Variants in MYO5B observed in about 807,000 individuals in gnomAD.
The protein encoded by MYO5B is myosin VB, also known as unconventional myosin-Vb.
In MYO5B, 143 loss-of-function variants were observed where a neutral mutation model predicts 229.3. The ratio of observed to expected loss-of-function variants is 0.62; its 90% CI spans 0.54 to 0.72. The LOEUF is 0.72. Ranked by LOEUF, MYO5B falls within the 30% of genes least tolerant of loss-of-function variation. The pLI is 0.00. For missense variants in MYO5B, 2,321 were observed against 2,331.0 expected (o/e 1.00, Z 0.09); for synonymous variants, 918 against 885.2 (o/e 1.04, Z -0.66).
At chr18:50,022,844 C>T (rs1164307957) in intron 4 of MYO5B, among the ~76,000 whole-genome samples, 1 of 152,112 alleles carries the variant, frequency 6.6e-6, no homozygotes, top group Non-Finnish European at 1.5e-5. Context: ...TTTACCCCCA[C>T]CTCCTAGGTT....
Position 50,016,251 on chromosome 18 carries a change from C to T in MYO5B, c.456-14840G>A, listed in dbSNP as rs541653933. On this transcript the variant is annotated intron_variant, in intron 4 of 39. Coordinates refer to ENST00000285039, the MANE Select transcript of MYO5B (RefSeq NM_001080467.3). The stretch of plus-strand genomic sequence containing the variant: ...GCCTTACTGTGCCTGACTCTCAATT[C>T]CACCAAAATATGTATTAACCCATGA... 2.6e-5 allele frequency among the ~76,000 whole-genome samples: 4 copies of T among 152,206 alleles called. No individual in the cohort carries two copies. In the South Asian group the frequency reaches 8.3e-4, roughly 32 times the overall value.
intron 4 of MYO5B, among the ~76,000 whole-genome samples, chr18:50,012,055 A>C (rs577437146): frequency 3.9e-5 from 6 of 152,200 alleles, no homozygotes; most frequent in Admixed American, 3.9e-4. Context: ...CTGGCTGTAC[A>C]TTAAGAAGTG....
rs766132905 is a variant in MYO5B, at chr18:49,895,147, G to A, written c.2839C>T (p.Gln947Ter). 1 of 1,613,934 alleles carries A rather than the reference G, an allele frequency of 6.2e-7. No individual in the cohort carries two copies. The change falls in exon 22 of 40, where the codon CAG becomes TAG. Residue 947 changes from glutamine to a stop codon, truncating the protein, a stop_gained. Coordinates refer to ENST00000285039, the MANE Select transcript of MYO5B (RefSeq NM_001080467.3). LOFTEE classifies it high-confidence loss of function. ...QNKEFKTLSE[Q>*]LSVTTSTYTM... Reference sequence around the variant, plus strand: ...TATGTTGAGGTGGTCACGGACAACTGCTCTGAAAGTGTCTTGAACTCTTTG... The same window carrying A: ...TATGTTGAGGTGGTCACGGACAACTACTCTGAAAGTGTCTTGAACTCTTTG...
intron 39 of MYO5B, among the ~76,000 whole-genome samples, chr18:49,833,605 T>C (rs748412996): frequency 3.9e-5 from 6 of 152,242 alleles, no homozygotes; most frequent in Non-Finnish European, 8.8e-5. Flanking sequence ...GTGGCATATA[T>C]TTTTTAACCT....
chr18:50,120,488 C>A (rs73430335), intron 1 of MYO5B, among the ~76,000 whole-genome samples: 1 of 152,120 alleles, frequency 6.6e-6, no homozygotes, highest in East Asian at 1.9e-4. Flanking sequence ...CGGGCCATGT[C>A]CTAAGGAAGC....
intron 30 of MYO5B, among the ~76,000 whole-genome samples, chr18:49,855,691 G>A (rs140334869): frequency 3.1e-4 from 47 of 152,276 alleles, no homozygotes; most frequent in African/African-American, 1.1e-3. Context: ...CATTCACAAG[G>A]AAACAGACCC....
chr18:50,067,017 G>A (rs2030837589), intron 1 of MYO5B, among the ~76,000 whole-genome samples: 1 of 152,146 alleles, frequency 6.6e-6, no homozygotes, highest in Non-Finnish European at 1.5e-5. Context: ...TGAAAACTGT[G>A]TCTGCAACTT....
At chr18:49,943,797 A>G (rs1033313970) in intron 14 of MYO5B, among the ~76,000 whole-genome samples, 9 of 152,216 alleles carry the variant, frequency 5.9e-5, no homozygotes, top group African/African-American at 1.2e-4. Flanking sequence ...TAAAAACATA[A>G]TGACAAGAAG....
intron 4 of MYO5B, among the ~76,000 whole-genome samples, chr18:50,012,743 C>T (rs2026175569): frequency 6.6e-6 from 1 of 152,232 alleles, no homozygotes; most frequent in Admixed American, 6.5e-5. Context: ...ACCTTCTCTT[C>T]TCCTGGGTGA....
intron 3 of MYO5B, among the ~76,000 whole-genome samples, chr18:50,038,672 A>T (rs2029909559): frequency 6.6e-6 from 1 of 152,156 alleles, no homozygotes; most frequent in Non-Finnish European, 1.5e-5. Context: ...GATGACTCAG[A>T]CTTCTGTGCC....
chr18:50,086,223 T>G (rs903438089), intron 1 of MYO5B, among the ~76,000 whole-genome samples: 4 of 152,132 alleles, frequency 2.6e-5, no homozygotes, highest in Non-Finnish European at 4.4e-5. Flanking sequence ...TTATTACTGT[T>G]GAGAGTTCCT....
At position 49,990,421 on chromosome 18, in the gene MYO5B, A is replaced by G. The variant is rs566884570; in HGVS notation, c.838+18T>C. 3.1e-6 allele frequency: 5 copies of G among 1,605,382 alleles called. No individual in the cohort carries two copies. Among genetic ancestry groups the G allele is most frequent in the Non-Finnish European group, 3.4e-6 (4 of 1,172,188 alleles). On this transcript the variant is annotated intron_variant, in intron 7 of 39. Transcript: ENST00000285039. ...CAGTAGCCCACCCCAGAGGATAGGC[A>G]TGCACCTGTTGACTTACTTAGTGCA...
intron 4 of MYO5B, among the ~76,000 whole-genome samples, chr18:50,022,954 A>G (rs2026292953): frequency 6.6e-6 from 1 of 152,140 alleles, no homozygotes; most frequent in Non-Finnish European, 1.5e-5. Flanking sequence ...GTTTAAGATA[A>G]CAGCAGACCA....
At chr18:49,909,959 A>C (rs1429640578) in intron 18 of MYO5B, among the ~76,000 whole-genome samples, 2 of 152,202 alleles carry the variant, frequency 1.3e-5, no homozygotes, top group Non-Finnish European at 2.9e-5. Flanking sequence ...GAGGTGGTGT[A>C]AACATAAAGA....
chr18:49,894,963 C>T lies in MYO5B; in HGVS notation c.3023G>A (p.Arg1008Lys), dbSNP rs1415503717. Reference protein sequence around the residue: ...ERKILEDAHSREKDELRKRVA... With the variant: ...ERKILEDAHSKEKDELRKRVA... Reference sequence around the variant, plus strand: ...TACCTTCCTCAGCTCATCTTTCTCCCTGCTGTGGGCGTCCTCCAAGATCTT... The same window carrying T: ...TACCTTCCTCAGCTCATCTTTCTCCTTGCTGTGGGCGTCCTCCAAGATCTT... Residue 1008 changes from arginine (R) to lysine (K), a missense_variant, in exon 22 of 40, where the codon AGG becomes AAG. Physicochemically the swap from Arg to Lys is conservative, Grantham distance 26. This residue lies in a region of MYO5B where 2,113 missense variants were observed against 2,044.7 expected (regional missense o/e 1.03). Transcript: ENST00000285039. 6.2e-7 allele frequency: 1 copy of T among 1,613,398 alleles called. No homozygotes were observed. The highest frequency in any genetic ancestry group is 1.7e-5 in the Admixed American group (1 of 60,032).
At chr18:50,015,723 C>G (rs2026209108) in intron 4 of MYO5B, among the ~76,000 whole-genome samples, 1 of 152,184 alleles carries the variant, frequency 6.6e-6, no homozygotes. Flanking sequence ...TTCCAAGGCC[C>G]CAACCTTCTG....
intron 31 of MYO5B, among the ~76,000 whole-genome samples, chr18:49,852,242 GT>G (rs1310434791): frequency 6.6e-6 from 1 of 152,238 alleles, no homozygotes; most frequent in African/African-American, 2.4e-5. Context: ...TAGGGTGATT[GT>G]TCACTGCACT....
Position 49,953,347 on chromosome 18 carries a change from G to C in MYO5B, c.1669-4C>G, listed in dbSNP as rs760202857. 1.5e-5 allele frequency: 24 copies of C among 1,613,850 alleles called. 1 individual carries two copies. The South Asian group carries it at 2.6e-4, about 18-fold the overall frequency. On this transcript the variant is annotated splice_polypyrimidine_tract_variant and splice_region_variant and intron_variant, in intron 13 of 39. Coordinates refer to ENST00000285039, the MANE Select transcript of MYO5B (RefSeq NM_001080467.3). The stretch of plus-strand genomic sequence containing the variant: ...AACCATCAGAGAGGTACTCCACCTG[G>C]GGCCACAGCAACCAGAGAGAGACAC...
chr18:50,177,162 A>ATTT (rs1484815688), intron 1 of MYO5B, among the ~76,000 whole-genome samples: 3 of 141,394 alleles, frequency 2.1e-5, no homozygotes, highest in East Asian at 2.1e-4. Context: ...TATTTTTTTA[A>ATTT]AAAAGTTGGT....
Sources: allele counts gnomAD v4.1 joint callset (sites outside exome capture counted in the v4.1 genomes callset), GRCh38; gene constraint gnomAD v4.1.1; regional missense constraint gnomAD v4.1.1; transcripts MANE v1.5; gene names NCBI Gene and HGNC (gene_info 2026-07-23, HGNC 2026-07-21).